TENM4: variants seen among roughly 807,000 people sequenced by gnomAD.
The protein encoded by TENM4 is teneurin-4.
In TENM4, 82 loss-of-function variants were observed where a neutral mutation model predicts 243.3. The ratio of observed to expected loss-of-function variants is 0.34; its 90% CI spans 0.28 to 0.40. The LOEUF is 0.40. TENM4 is among the 10% of genes least tolerant of loss of function. The probability of loss-of-function intolerance (pLI) is 1.00; values close to 1 mark genes in which losing one functional copy is unlikely to be tolerated. For missense variants in TENM4, 3,138 were observed against 3,673.3 expected, an observed-to-expected ratio of 0.85 and a Z score of 3.77; for synonymous variants, 1,412 against 1,456.3, an observed-to-expected ratio of 0.97 and a Z score of 0.69.
chr11:79,177,294 G>T (rs1242174077), intron 3 of TENM4, among the ~76,000 whole-genome samples: 1 of 151,858 alleles, frequency 6.6e-6, no homozygotes, highest in African/African-American at 2.4e-5. Flanking sequence ...CCTTACTTTA[G>T]TGCTCCTCCA....
chr11:79,200,022 C>A (rs1863707204), intron 3 of TENM4, among the ~76,000 whole-genome samples: 1 of 152,160 alleles, frequency 6.6e-6, no homozygotes. Context: ...CAGGCAGACA[C>A]CTTGGAAAAA....
At chr11:79,140,047 C>A (rs964187121) in intron 4 of TENM4, among the ~76,000 whole-genome samples, 1 of 151,496 alleles carries the variant, frequency 6.6e-6, no homozygotes, top group Non-Finnish European at 1.5e-5. Flanking sequence ...ACTCTGGACA[C>A]TCCTTGTCAG....
chr11:78,823,091 C>T (rs1269655246), intron 12 of TENM4, among the ~76,000 whole-genome samples: 2 of 152,154 alleles, frequency 1.3e-5, no homozygotes, highest in East Asian at 1.9e-4. Context: ...CCCGTGAGCA[C>T]GTGCCAGAGA....
chr11:78,866,258 T>C (rs1167620474), intron 9 of TENM4, among the ~76,000 whole-genome samples: 1 of 152,188 alleles, frequency 6.6e-6, no homozygotes, highest in Non-Finnish European at 1.5e-5. Context: ...GAATCAGATA[T>C]ATGCAGCTAA....
intron 6 of TENM4, among the ~76,000 whole-genome samples, chr11:79,047,742 T>C (rs78119517): frequency 0.013 from 2,014 of 152,266 alleles, 49 homozygotes; most frequent in African/African-American, 0.047. Context: ...TCAGCCTTAT[T>C]AGGCAGGTGG....
chr11:79,065,334 T>A (rs1459153537), intron 5 of TENM4, among the ~76,000 whole-genome samples: 1 of 152,216 alleles, frequency 6.6e-6, no homozygotes, highest in East Asian at 1.9e-4. Flanking sequence ...CTGGTCATAC[T>A]GCACAGTAGA....
At chr11:78,661,893 C>A (rs373460727) in intron 32 of TENM4, among the ~76,000 whole-genome samples, 76 of 152,320 alleles carry the variant, frequency 5.0e-4, no homozygotes, top group Admixed American at 1.2e-3. Flanking sequence ...ATACCCGGGG[C>A]AGCTGTTGAC....
At chr11:78,685,063 A>T (rs781359340) in intron 29 of TENM4, among the ~76,000 whole-genome samples, 2 of 152,020 alleles carry the variant, frequency 1.3e-5, no homozygotes, top group Non-Finnish European at 2.9e-5. Context: ...TCTCTCACAC[A>T]TGCAAAAATT....
At chr11:78,905,646 A>G (rs1008838040) in intron 6 of TENM4, among the ~76,000 whole-genome samples, 1 of 151,986 alleles carries the variant, frequency 6.6e-6, no homozygotes, top group Non-Finnish European at 1.5e-5. Context: ...CAAAACCTCA[A>G]CTCCCACAAG....
At chr11:79,128,794 T>C (rs550791118) in intron 4 of TENM4, among the ~76,000 whole-genome samples, 1 of 152,328 alleles carries the variant, frequency 6.6e-6, no homozygotes, top group South Asian at 2.1e-4. Flanking sequence ...TGTGATTATA[T>C]ATGATTCATG....
intron 3 of TENM4, among the ~76,000 whole-genome samples, chr11:79,208,234 A>C (rs1037148304): frequency 1.3e-5 from 2 of 152,230 alleles, no homozygotes; most frequent in East Asian, 3.8e-4. Context: ...TTAATGATCA[A>C]TTGCTACATA....
chr11:78,847,978 G>C (rs1858440453), intron 12 of TENM4, among the ~76,000 whole-genome samples: 1 of 152,190 alleles, frequency 6.6e-6, no homozygotes. Context: ...GTGTTCTTTG[G>C]AAAATCATGA....
chr11:79,070,036 G>A (rs186339915), intron 4 of TENM4, 27 bp from the exon 5 acceptor site: 2 of 1,477,054 alleles, frequency 1.4e-6, no homozygotes, highest in Middle Eastern at 2.5e-4. Flanking sequence ...CAAAGATAGG[G>A]CGTGAGAGGC....
At position 78,904,009 on chromosome 11, in the gene TENM4, T is replaced by C. The variant is rs74359562; in HGVS notation, c.494-486A>G. 1.6e-3 allele frequency: 580 copies of C among 355,466 alleles called. 17 individuals are homozygous for C. In the East Asian group the frequency reaches 0.039, roughly 24 times the overall value. The allele number at this position is 355,466 out of a possible 1,614,324, so 22.0% of individuals were successfully genotyped here. ...AAGTGACTCTGATGTATGCTAAAAT[T>C]CTAGAACCGCTGATTATATATGATG... is the stretch of plus-strand genomic sequence containing the variant. On this transcript the variant is annotated intron_variant, in intron 6 of 33. Coordinates refer to ENST00000278550, the MANE Select transcript of TENM4 (RefSeq NM_001098816.3).
intron 2 of TENM4, among the ~76,000 whole-genome samples, chr11:79,291,889 C>A (rs193059957): frequency 2.2e-4 from 33 of 152,290 alleles, no homozygotes; most frequent in African/African-American, 6.0e-4. Flanking sequence ...GGCACTAGCA[C>A]CCCTCACTGC....
intron 10 of TENM4, among the ~76,000 whole-genome samples, chr11:78,856,718 G>T (rs1052470940): frequency 2.0e-5 from 3 of 150,724 alleles, no homozygotes; most frequent in Non-Finnish European, 1.5e-5. Context: ...TGGATGGGGG[G>T]TTGTGCTTAG....
intron 2 of TENM4, among the ~76,000 whole-genome samples, chr11:79,236,710 T>C (rs988819062): frequency 3.3e-5 from 5 of 152,150 alleles, no homozygotes; most frequent in African/African-American, 1.2e-4. Flanking sequence ...TGTGCTTTCT[T>C]TTCCACGAGC....
intron 1 of TENM4, among the ~76,000 whole-genome samples, chr11:79,343,034 A>AG (rs1857266996): frequency 6.6e-6 from 1 of 152,212 alleles, no homozygotes; most frequent in Non-Finnish European, 1.5e-5. Flanking sequence ...CCTGCCCTGA[A>AG]GCGTGGTGGG....
chr11:78,828,870 C>T (rs1857915685), intron 12 of TENM4, among the ~76,000 whole-genome samples: 1 of 152,252 alleles, frequency 6.6e-6, no homozygotes, highest in Admixed American at 6.5e-5. Flanking sequence ...CTTTAAGCCA[C>T]CACTGGATGA....
Sources: allele counts gnomAD v4.1 joint callset (sites outside exome capture counted in the v4.1 genomes callset), GRCh38; gene constraint gnomAD v4.1.1; transcripts MANE v1.5; gene names NCBI Gene and HGNC (gene_info 2026-07-23, HGNC 2026-07-21).